Variants in BIRC6 observed in about 807,000 individuals in gnomAD.
BIRC6 encodes baculoviral IAP repeat containing 6.
BIRC6 carries 98 observed loss-of-function variants against 503.3 expected under a neutral mutation model. The observed-to-expected ratio is 0.19, with a 90% confidence interval of 0.17 to 0.23. The LOEUF is 0.23. Ranked by LOEUF, BIRC6 falls within the 10% of genes least tolerant of loss-of-function variation. BIRC6 has a pLI of 1.00. For missense variants in BIRC6, 5,360 were observed against 5,806.0 expected (o/e 0.92, Z 2.50); for synonymous variants, 2,240 against 2,078.7 (o/e 1.08, Z -2.11).
intron 65 of BIRC6, among the ~76,000 whole-genome samples, chr2:32,574,414 G>A (rs540055136): frequency 1.6e-4 from 24 of 151,912 alleles, no homozygotes; most frequent in Non-Finnish European, 1.2e-4. Context: ...CACAGTGTCC[G>A]GCCCCAAGTA....
intron 12 of BIRC6, among the ~76,000 whole-genome samples, chr2:32,432,563 C>T (rs1315429312): frequency 2.0e-5 from 3 of 151,706 alleles, no homozygotes; most frequent in Non-Finnish European, 2.9e-5. Context: ...TCAAGACCCA[C>T]CTGGGCAATA....
intron 66 of BIRC6, among the ~76,000 whole-genome samples, chr2:32,580,570 G>A (rs1442466249): frequency 6.6e-6 from 1 of 152,136 alleles, no homozygotes; most frequent in Non-Finnish European, 1.5e-5. Context: ...ATATCACAGA[G>A]TTACTTACCT....
At chr2:32,613,026 G>A (rs552742761) in intron 73 of BIRC6, among the ~76,000 whole-genome samples, 3 of 152,060 alleles carry the variant, frequency 2.0e-5, no homozygotes, top group African/African-American at 2.4e-5. Context: ...AGTTCTCAAC[G>A]CCAGTGACCC....
intron 65 of BIRC6, among the ~76,000 whole-genome samples, chr2:32,555,044 T>G (rs910892402): frequency 2.0e-5 from 3 of 152,104 alleles, no homozygotes; most frequent in African/African-American, 7.2e-5. Flanking sequence ...ATACATAATT[T>G]TTATTATTTA....
chr2:32,580,062 T>A (rs983006959), intron 66 of BIRC6, among the ~76,000 whole-genome samples: 1 of 151,684 alleles, frequency 6.6e-6, no homozygotes, highest in African/African-American at 2.4e-5. Context: ...CAAGCAATTC[T>A]CTTGCTTCAG....
At chr2:32,382,000 A>G (rs1001317405) in intron 3 of BIRC6, among the ~76,000 whole-genome samples, 3 of 152,154 alleles carry the variant, frequency 2.0e-5, no homozygotes, top group Non-Finnish European at 4.4e-5. Context: ...TTATTTAGGA[A>G]AACAGAAACT....
rs775988906 is a variant in BIRC6, at chr2:32,515,167, T to C, written c.10746T>C (p.Asp3582=). 4.3e-6 allele frequency: 7 copies of C among 1,613,990 alleles called. No individual in the cohort carries two copies. Among genetic ancestry groups the C allele is most frequent in the Non-Finnish European group, 5.9e-6 (7 of 1,179,876 alleles). The change falls in exon 55 of 74, where the codon GAT becomes GAC. Residue 3582 remains aspartate (D), a synonymous_variant. Transcript: ENST00000421745. ...ATCATAGACTGTCCATGACAGATGA[T>C]AGCAAAAAGCAGGATCTTAGTTCAT... ...QCHHRLSMTD[D]SKKQDLSSSL... is the part of the protein sequence containing the mutation.
At chr2:32,395,316 A>G (rs543188956) in intron 5 of BIRC6, among the ~76,000 whole-genome samples, 195 bp from the exon 6 acceptor site, 2 of 152,248 alleles carry the variant, frequency 1.3e-5, no homozygotes, top group East Asian at 1.9e-4. Flanking sequence ...CATTTTCTGA[A>G]TTTTCAAATA....
intron 14 of BIRC6, 83 bp downstream of exon 14, chr2:32,435,668 T>C: frequency 2.2e-6 from 3 of 1,391,732 alleles, no homozygotes; most frequent in Non-Finnish European, 1.9e-6. Context: ...GATTTCCTTA[T>C]GGCTTGCAAA....
intron 54 of BIRC6, 135 bp downstream of exon 54, chr2:32,513,289 C>G: frequency 1.5e-6 from 1 of 653,058 alleles, no homozygotes. Flanking sequence ...ATCAAGTATA[C>G]TTTTGAAATG....
chr2:32,448,996 A>C, intron 22 of BIRC6, 68 bp downstream of exon 22: 1 of 1,447,958 alleles, frequency 6.9e-7, no homozygotes, highest in Non-Finnish European at 9.5e-7. Flanking sequence ...CATTTGACTT[A>C]ATAGATTATA....
In BIRC6 at chr2:32,442,340, G is replaced by A; in HGVS notation, c.4123G>A (p.Glu1375Lys). The A allele has an allele frequency of 6.2e-7, 1 of 1,613,086 alleles. No homozygotes were observed. The highest frequency in any genetic ancestry group is 8.5e-7 in the Non-Finnish European group (1 of 1,179,434). ...NGPGSSKEGN[E>K]NLLSKTRKFL... ...GTTTTGCAGCTCAAAGGAAGGAAAT[G>A]AGAACCTACTTTCAAAAACACGAAA... Residue 1375 changes from glutamate (E) to lysine (K), a missense_variant, in exon 19 of 74, where the codon GAG becomes AAG. Physicochemically the swap from Glu to Lys is moderately conservative, Grantham distance 56 (BLOSUM62 1). Transcript: ENST00000421745.
At chr2:32,372,812 A>G (rs2036173331) in intron 1 of BIRC6, among the ~76,000 whole-genome samples, 2 of 152,190 alleles carry the variant, frequency 1.3e-5, no homozygotes, top group South Asian at 4.1e-4. Flanking sequence ...CCTGAGTGAC[A>G]TAGTGAGACC....
chr2:32,558,446 T>G (rs1278995061), intron 65 of BIRC6, among the ~76,000 whole-genome samples: 1 of 152,182 alleles, frequency 6.6e-6, no homozygotes, highest in East Asian at 1.9e-4. Context: ...CTTTGAAGAT[T>G]AGAGGATCAT....
At position 32,518,920 on chromosome 2, in the gene BIRC6, T is replaced by C; in HGVS notation, c.11597T>C (p.Leu3866Ser). The C allele has an allele frequency of 6.2e-7, 1 of 1,613,756 alleles. No homozygotes were observed. Residue 3866 changes from leucine (L) to serine (S), a missense_variant, in exon 57 of 74, where the codon TTA (leucine) becomes TCA (serine). This residue lies in a region of BIRC6 where 878 missense variants were observed against 928.9 expected (regional missense o/e 0.95). Coordinates refer to ENST00000421745, the MANE Select transcript of BIRC6 (RefSeq NM_016252.4). ...RTLHLPVSTT[L>S]SDVLDRVSDT... ...CTTCATTTGCCAGTCTCAACAACATTATCAGATGTTCTTGACAGAGTGTCA... is the reference window on the plus strand; with the variant it reads ...CTTCATTTGCCAGTCTCAACAACATCATCAGATGTTCTTGACAGAGTGTCA...
Position 32,547,868 on chromosome 2 carries a change from C to G in BIRC6, c.12829C>G (p.His4277Asp), listed in dbSNP as rs1480111987. 3 of 1,598,268 alleles carry G rather than the reference C, an allele frequency of 1.9e-6. No homozygotes were observed. The highest frequency in any genetic ancestry group is 2.3e-5 in the South Asian group (2 of 87,508). ...NQTEPQVSSS[H>D]NPTSTEEQQL... Reference sequence around the variant, plus strand: ...TTTTAAGCCACAGGTGTCAAGCTCTCATAACCCTACATCAACAGAAGAACA... The same window carrying G: ...TTTTAAGCCACAGGTGTCAAGCTCTGATAACCCTACATCAACAGAAGAACA... The change falls in exon 64 of 74, where the codon CAT (histidine) becomes GAT (aspartate). Residue 4277 changes from histidine to aspartate, a missense_variant. By Grantham distance (81) the His-to-Asp change is moderately conservative (BLOSUM62 -1). Coordinates refer to ENST00000421745, the MANE Select transcript of BIRC6 (RefSeq NM_016252.4).
chr2:32,501,314 C>A (rs1342470854), intron 46 of BIRC6, among the ~76,000 whole-genome samples: 2 of 152,042 alleles, frequency 1.3e-5, no homozygotes, highest in African/African-American at 2.4e-5. Flanking sequence ...GTCCTCTCTT[C>A]TTGATGTATG....
intron 28 of BIRC6, 93 bp from the exon 29 acceptor site, chr2:32,468,344 T>C (rs1026776251): frequency 8.7e-7 from 1 of 1,146,338 alleles, no homozygotes; most frequent in African/African-American, 1.6e-5. Context: ...GGTTGTATGT[T>C]AACAGGTTTA....
At chr2:32,406,655 A>G in intron 9 of BIRC6, 98 bp downstream of exon 9, 3 of 821,600 alleles carry the variant, frequency 3.7e-6, no homozygotes, top group South Asian at 1.7e-5. Context: ...AGTTAATGCT[A>G]ACTCTAAATT....
Sources: allele counts gnomAD v4.1 joint callset (sites outside exome capture counted in the v4.1 genomes callset), GRCh38; gene constraint gnomAD v4.1.1; regional missense constraint gnomAD v4.1.1; transcripts MANE v1.5; gene names NCBI Gene and HGNC (gene_info 2026-07-23, HGNC 2026-07-21).